TBK1: variants seen among roughly 807,000 people sequenced by gnomAD.
TBK1 encodes TANK binding kinase 1, also known as serine/threonine-protein kinase TBK1.
A neutral mutation model predicts 99.9 loss-of-function variants in TBK1; 37 were observed. The ratio of observed to expected loss-of-function variants is 0.37; its 90% confidence interval spans 0.28 to 0.49. TBK1 has a LOEUF of 0.49. TBK1 is among the 20% of genes least tolerant of loss of function. TBK1 has a pLI of 0.98. For missense variants in TBK1, 644 were observed against 872.5 expected, an observed-to-expected ratio of 0.74 and a Z score of 3.30; for synonymous variants, 258 against 279.8, an observed-to-expected ratio of 0.92 and a Z score of 0.78.
chr12:64,499,037 C>CT (rs763709411), intron 20 of TBK1, among the ~76,000 whole-genome samples: 1,926 of 79,240 alleles, frequency 0.024, 99 homozygotes, highest in African/African-American at 0.083. Flanking sequence ...TAATTTTATT[C>CT]TTTTTTTTTT....
intron 12 of TBK1, among the ~76,000 whole-genome samples, chr12:64,488,821 G>A (rs764811343): frequency 1.3e-5 from 2 of 152,072 alleles, no homozygotes; most frequent in Non-Finnish European, 2.9e-5. Context: ...GTGAAACTCC[G>A]TCTCTACTAA....
rs930526843 is a variant in TBK1, at chr12:64,460,458, A to G, written c.228+129A>G. 9.9e-6 allele frequency: 6 copies of G among 604,764 alleles called. No individual in the cohort carries two copies. In the African/African-American group the frequency reaches 1.2e-4, roughly 12 times the overall value. 37.5% of individuals were successfully genotyped at this position (604,764 alleles called of 1,614,324 possible). A position where few individuals can be genotyped will look rare whatever the true frequency, so the allele number is the denominator to read the frequency against. Reference sequence around the variant, plus strand: ...TTTGTACAACCAAATACTTTATCCTAAAGGATTCTTGAATATATAGAACAA... The same window carrying G: ...TTTGTACAACCAAATACTTTATCCTGAAGGATTCTTGAATATATAGAACAA... On this transcript the variant is annotated intron_variant, in intron 3 of 20. Coordinates refer to ENST00000331710, the MANE Select transcript of TBK1 (RefSeq NM_013254.4).
At position 64,488,187 on chromosome 12, in the gene TBK1, G is replaced by A. The variant is rs74654358; in HGVS notation, c.1341-300G>A. 0.03 allele frequency among the ~76,000 whole-genome samples: 4,553 copies of A among 152,244 alleles called. 117 individuals carry two copies. Among genetic ancestry groups the A allele is most frequent in the Non-Finnish European group, 0.047 (3,177 of 67,998 alleles). ...AAAATTAATTCTGGTGGTATAAACTGTAATGCTCTACAAACTATTTGTGTA... is the reference window on the plus strand; with the variant it reads ...AAAATTAATTCTGGTGGTATAAACTATAATGCTCTACAAACTATTTGTGTA... On this transcript the variant is annotated intron_variant, in intron 11 of 20. Coordinates refer to ENST00000331710, the MANE Select transcript of TBK1 (RefSeq NM_013254.4).
chr12:64,465,348 A>T (rs1416513104), intron 4 of TBK1, among the ~76,000 whole-genome samples: 1 of 152,082 alleles, frequency 6.6e-6, no homozygotes, highest in Non-Finnish European at 1.5e-5. Flanking sequence ...TCTAGAAAAC[A>T]GTCTAGAGTT....
chr12:64,479,829 A>G (rs1158779144), intron 6 of TBK1, among the ~76,000 whole-genome samples, 183 bp from the exon 7 acceptor site: 2 of 152,220 alleles, frequency 1.3e-5, no homozygotes, highest in East Asian at 1.9e-4. Context: ...TACAACCACT[A>G]TTGTACTTCA....
At chr12:64,500,044 T>C (rs2040972795) in intron 20 of TBK1, among the ~76,000 whole-genome samples, 1 of 152,226 alleles carries the variant, frequency 6.6e-6, no homozygotes, top group Non-Finnish European at 1.5e-5. Context: ...CCTTGTGGAA[T>C]AAAATCCCAA....
rs114958957 is a variant in TBK1 at position 64,475,872 on chromosome 12, A to G, written c.701+1482A>G. On this transcript the variant is annotated intron_variant, in intron 6 of 20. Transcript: ENST00000331710. ...TAGGATGATTTATTTTTCTTTGGTT[A>G]TATACCCAGCAATGGGATTGCTGGG... Among the ~76,000 whole-genome samples the G allele has an allele frequency of 8.4e-3, 1,285 of 152,286 alleles. 23 individuals are homozygous for G. The highest frequency in any genetic ancestry group is 0.029 in the African/African-American group (1,210 of 41,560).
intron 2 of TBK1, among the ~76,000 whole-genome samples, chr12:64,457,029 C>T (rs1047540825): frequency 2.6e-5 from 4 of 152,010 alleles, no homozygotes; most frequent in African/African-American, 7.2e-5. Flanking sequence ...CAAATAATAA[C>T]TAATTTTTCA....
At chr12:64,489,169 A>C (rs1318527043) in intron 12 of TBK1, among the ~76,000 whole-genome samples, 4 of 152,234 alleles carry the variant, frequency 2.6e-5, no homozygotes, top group East Asian at 3.8e-4. Context: ...GTAAAACAGA[A>C]ACTGTGAATA....
intron 5 of TBK1, among the ~76,000 whole-genome samples, chr12:64,473,940 C>T (rs888784205): frequency 2.0e-5 from 3 of 151,874 alleles, no homozygotes; most frequent in Admixed American, 6.6e-5. Context: ...AAAAATAAAA[C>T]GGACACAGAT....
intron 3 of TBK1, among the ~76,000 whole-genome samples, chr12:64,463,367 G>A (rs1386017423): frequency 2.0e-5 from 3 of 147,520 alleles, no homozygotes; most frequent in Non-Finnish European, 4.5e-5. Flanking sequence ...GTGACAAAGC[G>A]AGACTTTGTC....
intron 9 of TBK1, 106 bp downstream of exon 9, chr12:64,484,605 A>G (rs547035532): frequency 2.6e-5 from 29 of 1,110,090 alleles, no homozygotes; most frequent in Non-Finnish European, 3.5e-5. Flanking sequence ...AACAAAAATT[A>G]GTGGGGCATG....
intron 8 of TBK1, 76 bp downstream of exon 8, chr12:64,482,097 A>C: frequency 9.6e-7 from 1 of 1,046,012 alleles, no homozygotes; most frequent in Non-Finnish European, 1.3e-6. Context: ...AAAGAAATAG[A>C]AAAGATGCCT....
At chr12:64,499,037 C>CTT (rs763709411) in intron 20 of TBK1, among the ~76,000 whole-genome samples, 12,213 of 79,124 alleles carry the variant, frequency 0.15, 1,376 homozygotes, top group Non-Finnish European at 0.21. Flanking sequence ...TAATTTTATT[C>CTT]TTTTTTTTTT....
intron 7 of TBK1, 36 bp from the exon 8 acceptor site, chr12:64,481,806 A>G (rs753073799): frequency 2.1e-6 from 3 of 1,451,222 alleles, no homozygotes; most frequent in African/African-American, 1.5e-5. Flanking sequence ...AATATGATAT[A>G]TTCACTCTTC....
chr12:64,492,535 A>C (rs183934856), intron 13 of TBK1, among the ~76,000 whole-genome samples: 1 of 152,012 alleles, frequency 6.6e-6, no homozygotes, highest in South Asian at 2.1e-4. Context: ...GGAACTCCCA[A>C]CCTCAGGTGA....
intron 6 of TBK1, among the ~76,000 whole-genome samples, chr12:64,475,207 GACA>G (rs2040699281): frequency 6.6e-6 from 1 of 152,156 alleles, no homozygotes; most frequent in Non-Finnish European, 1.5e-5. Flanking sequence ...ATTTGGACCA[GACA>G]CTTGATATAT....
chr12:64,498,560 A>G (rs1019932644), intron 20 of TBK1, among the ~76,000 whole-genome samples: 2 of 152,276 alleles, frequency 1.3e-5, no homozygotes, highest in Admixed American at 1.3e-4. Flanking sequence ...CTGATTCCTC[A>G]GAGAAATTAA....
intron 5 of TBK1, among the ~76,000 whole-genome samples, chr12:64,473,083 G>C (rs1486308409): frequency 6.6e-6 from 1 of 152,154 alleles, no homozygotes; most frequent in Non-Finnish European, 1.5e-5. Context: ...GATAGGTTTC[G>C]GGTGTGAGCA....
Sources: gnomAD v4.1 joint callset for allele counts (sites outside exome capture counted in the v4.1 genomes callset) on GRCh38, gnomAD v4.1.1 for gene constraint, MANE v1.5 for transcripts, NCBI Gene and HGNC (gene_info 2026-07-23, HGNC 2026-07-21) for gene names.